Variants in PPP4R2 observed in about 807,000 individuals in gnomAD.
The protein encoded by PPP4R2 is protein phosphatase 4 regulatory subunit 2.
PPP4R2 carries 13 observed loss-of-function variants against 47.2 expected under a neutral mutation model. The ratio of observed to expected loss-of-function variants is 0.28; its 90% CI spans 0.18 to 0.44. The LOEUF (loss-of-function observed/expected upper bound fraction) is 0.44. Ranked by LOEUF, PPP4R2 falls within the 20% of genes least tolerant of loss-of-function variation. The pLI, the probability that PPP4R2 is intolerant of heterozygous loss-of-function variation, is 1.00. For missense variants in PPP4R2, 421 were observed against 491.2 expected, an observed-to-expected ratio of 0.86 and a Z score of 1.35; for synonymous variants, 151 against 163.3, an observed-to-expected ratio of 0.92 and a Z score of 0.57.
chr3:72,999,739 A>G (rs1701420904), intron 2 of PPP4R2, among the ~76,000 whole-genome samples: 2 of 152,216 alleles, frequency 1.3e-5, no homozygotes, highest in Non-Finnish European at 2.9e-5. Flanking sequence ...GTAGAAGAGG[A>G]CTTAAAATTC....
At chr3:73,020,677 A>AAAAAT (rs1701941847) in intron 2 of PPP4R2, among the ~76,000 whole-genome samples, 1 of 151,712 alleles carries the variant, frequency 6.6e-6, no homozygotes, top group Non-Finnish European at 1.5e-5. Flanking sequence ...CTCTTTAAAA[A>AAAAAT]AAAAAAAAAA....
intron 2 of PPP4R2, among the ~76,000 whole-genome samples, chr3:73,035,395 G>T (rs1042589877): frequency 4.9e-4 from 74 of 152,076 alleles, no homozygotes; most frequent in African/African-American, 1.7e-3. Flanking sequence ...GTGAGACCCT[G>T]TCTAAAAAAG....
At chr3:73,016,517 A>T (rs1290728755) in intron 2 of PPP4R2, among the ~76,000 whole-genome samples, 1 of 152,208 alleles carries the variant, frequency 6.6e-6, no homozygotes, top group Non-Finnish European at 1.5e-5. Context: ...TGAAGATTTT[A>T]AAAGTGTCTT....
chr3:73,013,013 T>G (rs1159380300), intron 2 of PPP4R2, among the ~76,000 whole-genome samples: 1 of 152,072 alleles, frequency 6.6e-6, no homozygotes, highest in African/African-American at 2.4e-5. Flanking sequence ...TTTCCTCTTG[T>G]GTAGATACTG....
intron 2 of PPP4R2, among the ~76,000 whole-genome samples, chr3:73,012,827 A>G (rs1701751583): frequency 6.6e-6 from 1 of 151,154 alleles, no homozygotes; most frequent in Admixed American, 6.6e-5. Flanking sequence ...AGACTGGTCC[A>G]CCTTTTCTAG....
At chr3:73,048,098 A>C (rs1433050867) in intron 3 of PPP4R2, among the ~76,000 whole-genome samples, 1 of 152,072 alleles carries the variant, frequency 6.6e-6, no homozygotes, top group African/African-American at 2.4e-5. Context: ...GATGGTCTCG[A>C]TCTCCTGACC....
chr3:73,007,468 C>CTGTTTTT lies in PPP4R2; in HGVS notation c.116+9326_116+9332dup, dbSNP rs558858544. Among the ~76,000 whole-genome samples, 139 of 136,930 alleles carry CTGTTTTT rather than the reference C, an allele frequency of 1.0e-3. 4 individuals carry two copies. The East Asian group carries it at 0.021, about 20-fold the overall frequency. 89.8% of individuals were successfully genotyped at this position (136,930 alleles called of 152,430 possible). ...TTATCTTTTTCTTTTCTGTTTTTTTCTGTTTTTTGTTTTTTGTTTTTTTTT... is the reference window on the plus strand; with the variant it reads ...TTATCTTTTTCTTTTCTGTTTTTTTCTGTTTTTTGTTTTTTGTTTTTTGTTTTTTTTT... On this transcript the variant is annotated intron_variant, in intron 2 of 8. Coordinates refer to ENST00000356692, the MANE Select transcript of PPP4R2 (RefSeq NM_174907.4).
chr3:73,054,085 T>G (rs1226531576), intron 3 of PPP4R2, among the ~76,000 whole-genome samples: 1 of 152,042 alleles, frequency 6.6e-6, no homozygotes, highest in African/African-American at 2.4e-5. Flanking sequence ...GCCCGGCTAA[T>G]TTTTGTATTT....
At chr3:73,016,669 C>G (rs1392744010) in intron 2 of PPP4R2, among the ~76,000 whole-genome samples, 1 of 149,810 alleles carries the variant, frequency 6.7e-6, no homozygotes, top group Admixed American at 6.7e-5. Context: ...ATATGAATGT[C>G]CTAGATGTTT....
At chr3:73,009,732 C>T (rs1279881890) in intron 2 of PPP4R2, among the ~76,000 whole-genome samples, 1 of 152,146 alleles carries the variant, frequency 6.6e-6, no homozygotes, top group Non-Finnish European at 1.5e-5. Context: ...ATTCAGGATC[C>T]ATAGCAAAAA....
At chr3:73,062,363 A>C (rs768254818) in intron 5 of PPP4R2, 1 of 1,606,620 alleles carries the variant, frequency 6.2e-7, no homozygotes, top group Admixed American at 1.7e-5. Context: ...TGGAACCCCA[A>C]CCCAGCATTG....
Position 72,999,857 on chromosome 3 carries a change from TTTTA to T in PPP4R2, c.116+1703_116+1706del, listed in dbSNP as rs148673021. Among the ~76,000 whole-genome samples the T allele has an allele frequency of 5.5e-3, 844 of 152,332 alleles. 11 individuals carry two copies. The highest frequency in any genetic ancestry group is 0.019 in the African/African-American group (800 of 41,580). On this transcript the variant is annotated intron_variant, in intron 2 of 8. Transcript: ENST00000356692. ...TATTCAATGGAATTTGGAAAATATT[TTTTA>T]TTTTATTATGTAAATAGCAGCCAGT...
chr3:73,051,553 T>G (rs1702613459), intron 3 of PPP4R2, among the ~76,000 whole-genome samples: 1 of 152,210 alleles, frequency 6.6e-6, no homozygotes, highest in Non-Finnish European at 1.5e-5. Flanking sequence ...ATTAAATGCT[T>G]CCTAGTATTT....
At chr3:73,019,051 C>A (rs1433880367) in intron 2 of PPP4R2, among the ~76,000 whole-genome samples, 1 of 152,110 alleles carries the variant, frequency 6.6e-6, no homozygotes, top group Non-Finnish European at 1.5e-5. Context: ...ACATTTTAGT[C>A]ATCGATGGAC....
At chr3:73,027,588 T>C (rs1383593526) in intron 2 of PPP4R2, among the ~76,000 whole-genome samples, 1 of 152,124 alleles carries the variant, frequency 6.6e-6, no homozygotes, top group Non-Finnish European at 1.5e-5. Context: ...ACCAGATAAT[T>C]ATTGAGTGCC....
At chr3:73,048,136 A>C (rs1285139449) in intron 3 of PPP4R2, among the ~76,000 whole-genome samples, 1 of 151,492 alleles carries the variant, frequency 6.6e-6, no homozygotes, top group African/African-American at 2.4e-5. Context: ...CGGCCTCCCA[A>C]AGTGCTGGAA....
chr3:73,015,093 ACTGAGAGCACT>A, intron 2 of PPP4R2: 1 of 447,970 alleles, frequency 2.2e-6, no homozygotes. Flanking sequence ...GAAAATAAAT[ACTGAGAGCACT>A]CTGAGATCTC....
rs113925893 is a variant in PPP4R2, at chr3:73,010,299, T to C, written c.116+12141T>C. Among the ~76,000 whole-genome samples, 11 of 152,244 alleles carry C rather than the reference T, an allele frequency of 7.2e-5. 1 individual carries two copies. The highest frequency in any genetic ancestry group is 2.6e-4 in the African/African-American group (11 of 41,538). ...GTACAGTGGTGCCATCATGGCCCAC[T>C]GCAGCCTTGACCTCCCGGGCTTAAA... On this transcript the variant is annotated intron_variant, in intron 2 of 8. Coordinates refer to ENST00000356692, the MANE Select transcript of PPP4R2 (RefSeq NM_174907.4).
At chr3:73,035,391 C>A (rs1376254023) in intron 2 of PPP4R2, among the ~76,000 whole-genome samples, 1 of 151,840 alleles carries the variant, frequency 6.6e-6, no homozygotes, top group Non-Finnish European at 1.5e-5. Flanking sequence ...CAGAGTGAGA[C>A]CCTGTCTAAA....
Sources: gnomAD v4.1 joint callset for allele counts (sites outside exome capture counted in the v4.1 genomes callset) on GRCh38, gnomAD v4.1.1 for gene constraint, MANE v1.5 for transcripts, NCBI Gene and HGNC (gene_info 2026-07-23, HGNC 2026-07-21) for gene names.